Variants in UEVLD observed in about 807,000 individuals in gnomAD.
UEVLD encodes the protein UEV and lactate/malate dehyrogenase domains.
Under a neutral mutation model 58.6 loss-of-function variants are expected in UEVLD, and 47 were observed. That is an observed-to-expected ratio of 0.80 (90% CI 0.63 to 1.02). The LOEUF is 1.02. Among genes scored for constraint, UEVLD ranks in the 50% least tolerant of loss-of-function variants. The pLI is 0.00. For missense variants in UEVLD, 510 were observed against 550.6 expected (o/e 0.93, Z 0.74); for synonymous variants, 197 against 195.3 (o/e 1.01, Z -0.07).
rs944304189 is a variant in UEVLD, at chr11:18,530,445, T to C, written c.*1875A>G. On this transcript the variant is annotated 3_prime_UTR_variant, in exon 12 of 12. Coordinates refer to ENST00000396197, the MANE Select transcript of UEVLD (RefSeq NM_001040697.4). The stretch of plus-strand genomic sequence containing the variant: ...TAAAGTTCATCATTATAAGCATTCC[T>C]TATTACACTAAAACAGCATTAGTTT... 6.6e-6 allele frequency: 1 copy of C among 152,248 alleles called. No individual in the cohort carries two copies. The highest frequency in any genetic ancestry group is 1.5e-5 in the Non-Finnish European group (1 of 68,044). 9.4% of individuals were successfully genotyped at this position (152,248 alleles called of 1,614,324 possible).
At chr11:18,554,374 G>A (rs1410627701) in intron 7 of UEVLD, among the ~76,000 whole-genome samples, 3 of 146,988 alleles carry the variant, frequency 2.0e-5, no homozygotes, top group Non-Finnish European at 4.5e-5. Context: ...TTACAGGCGT[G>A]AGCCACTGTG....
At chr11:18,541,184 T>C (rs1851037417) in intron 9 of UEVLD, among the ~76,000 whole-genome samples, 1 of 152,242 alleles carries the variant, frequency 6.6e-6, no homozygotes, top group Admixed American at 6.5e-5. Flanking sequence ...TTCTTACTCA[T>C]TCAATATTTA....
In UEVLD at chr11:18,588,662, C is replaced by G. The variant is rs375555871; in HGVS notation, c.-8G>C. ...CTCGCAGTCGAACTCCATCTCCAGG[C>G]CGGTCCCGAGCTAGGTCCCAGGACT... is the stretch of plus-strand genomic sequence containing the variant. On this transcript the variant is annotated 5_prime_UTR_variant, in exon 1 of 12. Transcript: ENST00000396197. 13 of 1,608,500 alleles carry G rather than the reference C, an allele frequency of 8.1e-6. No homozygotes were observed. The highest frequency in any genetic ancestry group is 9.3e-6 in the Non-Finnish European group (11 of 1,179,758).
chr11:18,562,984 C>T (rs4756950), intron 6 of UEVLD, among the ~76,000 whole-genome samples: 58,988 of 151,464 alleles, frequency 0.39, 11,947 homozygotes, highest in East Asian at 0.66. Flanking sequence ...AGATAGAGAC[C>T]GCAGTAAGCC....
intron 7 of UEVLD, among the ~76,000 whole-genome samples, chr11:18,556,776 A>C (rs1228881643): frequency 1.3e-5 from 2 of 152,152 alleles, no homozygotes; most frequent in East Asian, 3.8e-4. Context: ...ACATTATAAA[A>C]TACATGCAAA....
At chr11:18,551,802 C>A (rs1851542133) in intron 7 of UEVLD, among the ~76,000 whole-genome samples, 1 of 152,164 alleles carries the variant, frequency 6.6e-6, no homozygotes, top group South Asian at 2.1e-4. Context: ...ACAACCTAAA[C>A]CAAAGGCTGG....
intron 4 of UEVLD, among the ~76,000 whole-genome samples, chr11:18,569,429 T>C (rs140674670): frequency 6.6e-6 from 1 of 152,302 alleles, no homozygotes; most frequent in Non-Finnish European, 1.5e-5. Flanking sequence ...AATTTAGTAA[T>C]ATATAAGAAA....
intron 1 of UEVLD, among the ~76,000 whole-genome samples, chr11:18,586,689 A>C (rs1313898257): frequency 6.6e-6 from 1 of 152,072 alleles, no homozygotes; most frequent in Non-Finnish European, 1.5e-5. Context: ...CCTAGACTAA[A>C]ATTATTTCTA....
chr11:18,557,575 CAG>C (rs1316844575), intron 7 of UEVLD, among the ~76,000 whole-genome samples: 1 of 141,962 alleles, frequency 7.0e-6, no homozygotes, highest in Admixed American at 7.2e-5. Context: ...TTTTCAGAGA[CAG>C]GGTCTCGATA....
chr11:18,544,537 G>A (rs1388907672), intron 9 of UEVLD, 86 bp downstream of exon 9: 2 of 1,426,152 alleles, frequency 1.4e-6, no homozygotes, highest in African/African-American at 3.0e-5. Flanking sequence ...TGAAGTCCTG[G>A]CTTCAAGCAA....
chr11:18,571,304 G>A (rs981545281), intron 3 of UEVLD, among the ~76,000 whole-genome samples: 1 of 152,066 alleles, frequency 6.6e-6, no homozygotes, highest in African/African-American at 2.4e-5. Flanking sequence ...CCGAGATTGC[G>A]CCACTGCACT....
rs1408045952 is a variant in UEVLD, at chr11:18,536,525, G to A, written c.1061-56C>T. ...TGCCAGTGACTCTTTGGATTAAGAT[G>A]TGATAACAGATCTTTTGGAGTCAAG... is the stretch of plus-strand genomic sequence containing the variant. On this transcript the variant is annotated intron_variant, in intron 9 of 11. Transcript: ENST00000396197. 2.8e-6 allele frequency: 4 copies of A among 1,414,694 alleles called. No individual in the cohort carries two copies. In the African/African-American group the frequency reaches 5.7e-5, roughly 20 times the overall value. 87.6% of individuals were successfully genotyped at this position (1,414,694 alleles called of 1,614,324 possible). A position where few individuals can be genotyped will look rare whatever the true frequency, so the allele number is the denominator to read the frequency against.
At chr11:18,559,713 A>G (rs1851921080) in intron 6 of UEVLD, among the ~76,000 whole-genome samples, 1 of 152,138 alleles carries the variant, frequency 6.6e-6, no homozygotes, top group Admixed American at 6.6e-5. Context: ...TAAAATCTAA[A>G]ATCAAATCCT....
At position 18,570,327 on chromosome 11, in the gene UEVLD, A is replaced by C; in HGVS notation, c.244T>G (p.Phe82Val). ...IRFWILDSHP[F>V]APPICFLKPT... ...TTCAAGAAGCAAATAGGGGGAGCGAAAGGGTGAGAATCCAAAATCCAGAAA... is the reference window on the plus strand; with the variant it reads ...TTCAAGAAGCAAATAGGGGGAGCGACAGGGTGAGAATCCAAAATCCAGAAA... Residue 82 changes from phenylalanine to valine, a missense_variant, in exon 4 of 12, where the codon TTC becomes GTC. Transcript: ENST00000396197. 1 of 1,581,966 alleles carries C rather than the reference A, an allele frequency of 6.3e-7. No homozygotes were observed.
intron 6 of UEVLD, chr11:18,564,003 TAAAAAAAAAAA>T (rs34386323): frequency 6.8e-6 from 1 of 147,386 alleles, no homozygotes; most frequent in Non-Finnish European, 1.3e-5. Context: ...AGACTCCACC[TAAAAAAAAAAA>T]AAAAAAAAAA....
chr11:18,578,921 G>A, intron 1 of UEVLD, 113 bp from the exon 2 acceptor site: 1 of 661,144 alleles, frequency 1.5e-6, no homozygotes, highest in African/African-American at 1.9e-5. Context: ...AGGCTGGAAT[G>A]CAGTGGCGGG....
At chr11:18,566,200 G>C in intron 5 of UEVLD, 147 bp downstream of exon 5, 1 of 1,176,816 alleles carries the variant, frequency 8.5e-7, no homozygotes, top group Non-Finnish European at 1.2e-6. Flanking sequence ...CGCCTGGCCT[G>C]AGGCACAGGA....
intron 1 of UEVLD, among the ~76,000 whole-genome samples, chr11:18,584,399 A>G (rs1293213208): frequency 6.6e-6 from 1 of 151,980 alleles, no homozygotes; most frequent in Non-Finnish European, 1.5e-5. Flanking sequence ...AAAAAGAAAA[A>G]GCACACGCTT....
chr11:18,580,313 A>G (rs1853171682), intron 1 of UEVLD, among the ~76,000 whole-genome samples: 1 of 152,188 alleles, frequency 6.6e-6, no homozygotes, highest in Non-Finnish European at 1.5e-5. Context: ...AAGACTAAAT[A>G]CAGAGTCAGG....
Sources: gnomAD v4.1 joint callset for allele counts (sites outside exome capture counted in the v4.1 genomes callset) on GRCh38, gnomAD v4.1.1 for gene constraint, MANE v1.5 for transcripts, NCBI Gene and HGNC (gene_info 2026-07-23, HGNC 2026-07-21) for gene names.